MYO18B: variants seen among roughly 807,000 people sequenced by gnomAD.
MYO18B encodes the protein unconventional myosin-XVIIIb.
A neutral mutation model predicts 273.0 loss-of-function variants in MYO18B; 204 were observed. The observed-to-expected ratio is 0.75, with a 90% CI of 0.67 to 0.84. The LOEUF (loss-of-function observed/expected upper bound fraction) is 0.84. Ranked by LOEUF, MYO18B falls within the 40% of genes least tolerant of loss-of-function variation. The probability of loss-of-function intolerance (pLI) is 0.00; values close to 1 mark genes in which losing one functional copy is unlikely to be tolerated. For missense variants in MYO18B, 3,212 were observed against 3,287.6 expected (o/e 0.98, Z 0.56); for synonymous variants, 1,330 against 1,305.7 (o/e 1.02, Z -0.40).
rs368149711 is a variant in MYO18B at position 25,747,489 on chromosome 22, A to G, written c.-110+5196A>G. On this transcript the variant is annotated intron_variant, in intron 1 of 43. Transcript: ENST00000335473. ...GCCACGAGGCCCATCTGTGAGGTCC[A>G]GCATCTCATCAGCCTGTAGGAGTGG... Among the ~76,000 whole-genome samples the G allele has an allele frequency of 5.9e-5, 9 of 152,374 alleles. No individual in the cohort carries two copies. The South Asian group carries it at 1.0e-3, about 18-fold the overall frequency.
rs4049349 is a variant in MYO18B, at chr22:25,876,003, CGTGTGTGTGTGTGTGT to C, written c.4081-159_4081-144del. ...CAAAAAGACTACAAGAAAGGAAGCCCGTGTGTGTGTGTGTGTGTGTGTGTGTGTGTGTGTGTGTGTG... is the reference window on the plus strand; with the variant it reads ...CAAAAAGACTACAAGAAAGGAAGCCCGTGTGTGTGTGTGTGTGTGTGTGTG... On this transcript the variant is annotated intron_variant, in intron 23 of 43. Coordinates refer to ENST00000335473, the MANE Select transcript of MYO18B (RefSeq NM_032608.7). 7.9e-5 allele frequency among the ~76,000 whole-genome samples: 11 copies of C among 140,012 alleles called. No individual in the cohort carries two copies. In the South Asian group the frequency reaches 1.0e-3, roughly 13 times the overall value. 91.9% of individuals were successfully genotyped at this position (140,012 alleles called of 152,430 possible).
At chr22:25,931,910 GT>G (rs900701925) in intron 34 of MYO18B, among the ~76,000 whole-genome samples, 2 of 148,974 alleles carry the variant, frequency 1.3e-5, no homozygotes, top group South Asian at 2.1e-4. Flanking sequence ...TTGTTTGTTT[GT>G]TTTTTTGTAG....
chr22:26,049,109 G>A, the MYO18B span, among the ~76,000 whole-genome samples: 12 of 152,278 alleles, frequency 7.9e-5, no homozygotes, highest in African/African-American at 2.6e-4. Context: ...AATGTAGGAC[G>A]GGAATAGCAG....
chr22:25,874,373 T>G lies in MYO18B; in HGVS notation c.4039T>G (p.Cys1347Gly), dbSNP rs897333179. 5 of 1,613,984 alleles carry G rather than the reference T, an allele frequency of 3.1e-6. No homozygotes were observed. In the Admixed American group the frequency reaches 8.3e-5, roughly 27 times the overall value. The change falls in exon 23 of 44, where the codon TGC (cysteine) becomes GGC (glycine). Residue 1347 changes from cysteine (C) to glycine (G), a missense_variant. Cys to Gly is a radical substitution (Grantham distance 159, BLOSUM62 -3). Coordinates refer to ENST00000335473, the MANE Select transcript of MYO18B (RefSeq NM_032608.7). ...GAGCATCGTTCTCTTCCAGGCGGCTTGCAAGGGCTTTCTGTCTCGCCAGGA... is the reference window on the plus strand; with the variant it reads ...GAGCATCGTTCTCTTCCAGGCGGCTGGCAAGGGCTTTCTGTCTCGCCAGGA... Reference protein sequence around the residue: ...SQSIVLFQAACKGFLSRQEFK... With the variant: ...SQSIVLFQAAGKGFLSRQEFK...
At chr22:25,997,799 C>T (rs950875492) in intron 40 of MYO18B, among the ~76,000 whole-genome samples, 3 of 152,106 alleles carry the variant, frequency 2.0e-5, no homozygotes, top group Admixed American at 6.5e-5. Flanking sequence ...AACAGCTCCA[C>T]GCTACACTTC....
intron 42 of MYO18B, among the ~76,000 whole-genome samples, chr22:26,011,199 G>A (rs1045796228): frequency 1.3e-5 from 2 of 151,636 alleles, no homozygotes; most frequent in Admixed American, 6.6e-5. Context: ...ACAAGATGGC[G>A]GCTAACAGCT....
At chr22:26,013,315 T>G (rs1396860617) in intron 42 of MYO18B, among the ~76,000 whole-genome samples, 2 of 152,166 alleles carry the variant, frequency 1.3e-5, no homozygotes, top group Non-Finnish European at 2.9e-5. Flanking sequence ...GCCAAATGTC[T>G]TACAATGCAC....
In MYO18B at chr22:26,030,950, G is replaced by C. The variant is rs1295296364; in HGVS notation, c.*520G>C. On this transcript the variant is annotated 3_prime_UTR_variant, in exon 44 of 44. Transcript: ENST00000335473. Reference sequence around the variant, plus strand: ...CTTTGCCAATTCATTTCTCTATCCTGTGTATGTATAAGTGTGTACAAGCAT... The same window carrying C: ...CTTTGCCAATTCATTTCTCTATCCTCTGTATGTATAAGTGTGTACAAGCAT... 3 of 398,340 alleles carry C rather than the reference G, an allele frequency of 7.5e-6. No individual in the cohort carries two copies. Among genetic ancestry groups the C allele is most frequent in the Non-Finnish European group, 1.3e-5 (3 of 226,056 alleles). 24.7% of individuals were successfully genotyped at this position (398,340 alleles called of 1,614,324 possible). A position where few individuals can be genotyped will look rare whatever the true frequency, so the allele number is the denominator to read the frequency against.
At chr22:25,946,527 C>T (rs1287687343) in intron 35 of MYO18B, among the ~76,000 whole-genome samples, 1 of 152,138 alleles carries the variant, frequency 6.6e-6, no homozygotes, top group Non-Finnish European at 1.5e-5. Flanking sequence ...GATATAAGGG[C>T]ATCAGCGAGG....
In MYO18B at chr22:25,768,466, G is replaced by A. The variant is rs758607289; in HGVS notation, c.550G>A (p.Ala184Thr). Residue 184 changes from alanine to threonine, a missense_variant, in exon 4 of 44, where the codon GCC becomes ACC. Ala to Thr is a moderately conservative substitution (Grantham distance 58, BLOSUM62 0). Transcript: ENST00000335473. ...DAPPCKTSPP[A>T]TDTGKEKKGE... is the part of the protein sequence containing the mutation. ...CCCCCCTTGCAAGACCTCTCCCCCC[G>A]CCACAGATACTGGAAAGGAAAAGAA... 26 of 1,605,904 alleles carry A rather than the reference G, an allele frequency of 1.6e-5. No homozygotes were observed. The highest frequency in any genetic ancestry group is 5.6e-5 in the South Asian group (5 of 90,056).
At position 25,860,785 on chromosome 22, in the gene MYO18B, G is replaced by A. The variant is rs367810606; in HGVS notation, c.3886-7535G>A. 1.7e-3 allele frequency among the ~76,000 whole-genome samples: 261 copies of A among 152,106 alleles called. 14 individuals carry two copies. In the South Asian group the frequency reaches 0.053, roughly 31 times the overall value. ...ATATATCTAGGAGAGTGTTCAAAGT[G>A]TGCTTATAAAAAACATGTATTCTGT... On this transcript the variant is annotated intron_variant, in intron 21 of 43. Transcript: ENST00000335473.
At chr22:25,960,234 A>G (rs1463718103) in intron 39 of MYO18B, among the ~76,000 whole-genome samples, 1 of 152,148 alleles carries the variant, frequency 6.6e-6, no homozygotes, top group East Asian at 1.9e-4. Context: ...TTCTGGCTCT[A>G]AATCATTCCA....
chr22:25,761,143 T>G lies in MYO18B; in HGVS notation c.39+12T>G. 6.2e-7 allele frequency: 1 copy of G among 1,612,992 alleles called. No individual in the cohort carries two copies. The highest frequency in any genetic ancestry group is 8.5e-7 in the Non-Finnish European group (1 of 1,179,868). ...TGTGGGAGCAGAAGGAAAGTGACACTCATGGCTGGGGCTGCAGCCATCTGC... is the reference window on the plus strand; with the variant it reads ...TGTGGGAGCAGAAGGAAAGTGACACGCATGGCTGGGGCTGCAGCCATCTGC... On this transcript the variant is annotated intron_variant, in intron 2 of 43. Transcript: ENST00000335473.
At chr22:25,785,365 A>T in intron 10 of MYO18B, 63 bp from the exon 11 acceptor site, 2 of 1,522,756 alleles carry the variant, frequency 1.3e-6, no homozygotes, top group African/African-American at 1.4e-5. Context: ...TGTGACGACC[A>T]CCTGCCCTGC....
At chr22:25,940,350 C>T (rs2092630057) in intron 34 of MYO18B, among the ~76,000 whole-genome samples, 1 of 152,188 alleles carries the variant, frequency 6.6e-6, no homozygotes, top group Non-Finnish European at 1.5e-5. Context: ...CCATGTAAGA[C>T]ATGCCTTTGC....
intron 39 of MYO18B, among the ~76,000 whole-genome samples, chr22:25,969,057 G>T (rs1368190565): frequency 1.3e-5 from 2 of 152,108 alleles, no homozygotes. Context: ...TTCCATCTCT[G>T]TTATGCAACT....
chr22:25,780,014 C>T, intron 8 of MYO18B, 42 bp from the exon 9 acceptor site: 1 of 1,527,206 alleles, frequency 6.5e-7, no homozygotes, highest in South Asian at 1.2e-5. Context: ...GTGGCAGCAC[C>T]TGGGCCATCA....
At chr22:25,922,564 G>A (rs1404868088) in intron 34 of MYO18B, among the ~76,000 whole-genome samples, 1 of 152,142 alleles carries the variant, frequency 6.6e-6, no homozygotes, top group Admixed American at 6.5e-5. Context: ...CCTTCCCTCG[G>A]ATAAGTCATT....
At chr22:26,026,367 T>C in intron 42 of MYO18B, 78 bp from the exon 43 acceptor site, 2 of 1,481,088 alleles carry the variant, frequency 1.4e-6, no homozygotes, top group Admixed American at 4.3e-5. Context: ...GTGCCTGTGC[T>C]TAGGGGCTCT....
Sources: gnomAD v4.1 joint callset for allele counts (sites outside exome capture counted in the v4.1 genomes callset) on GRCh38, gnomAD v4.1.1 for gene constraint, MANE v1.5 for transcripts, NCBI Gene and HGNC (gene_info 2026-07-23, HGNC 2026-07-21) for gene names.